ETFDH: variants seen among roughly 807,000 people sequenced by gnomAD.
ETFDH encodes the protein electron transfer flavoprotein-ubiquinone oxidoreductase, mitochondrial.
Under a neutral mutation model 73.2 loss-of-function variants are expected in ETFDH, and 61 were observed. The observed-to-expected ratio is 0.83, with a 90% CI of 0.68 to 1.03. The LOEUF (loss-of-function observed/expected upper bound fraction) is 1.03. Ranked by LOEUF, ETFDH falls within the 50% of genes least tolerant of loss-of-function variation. The pLI, the probability that ETFDH is intolerant of heterozygous loss-of-function variation, is 0.00. For missense variants in ETFDH, 685 were observed against 745.0 expected (o/e 0.92, Z 0.94); for synonymous variants, 243 against 253.3 (o/e 0.96, Z 0.39).
intron 9 of ETFDH, among the ~76,000 whole-genome samples, chr4:158,701,457 A>C (rs1774460166): frequency 1.3e-5 from 2 of 152,210 alleles, no homozygotes; most frequent in South Asian, 4.1e-4. Context: ...TGAGAACCAC[A>C]GTCATAAATT....
Position 158,709,019 on chromosome 4 carries a change from T to TTGTGTG in ETFDH, c.*526_*531dup, listed in dbSNP as rs55861035. 9,093 of 150,486 alleles carry TTGTGTG rather than the reference T, an allele frequency of 0.06. 415 individuals carry two copies. The highest frequency in any genetic ancestry group is 0.11 in the Middle Eastern group (31 of 286). 9.3% of individuals were successfully genotyped at this position (150,486 alleles called of 1,614,324 possible). On this transcript the variant is annotated 3_prime_UTR_variant, in exon 13 of 13. Coordinates refer to ENST00000511912, the MANE Select transcript of ETFDH (RefSeq NM_004453.4). ...GAAGTATGCCCATCCCTGAACAAGT[T>TTGTGTG]TGTGTGTGTGTGTGTGTGTGTGTGT... is the stretch of plus-strand genomic sequence containing the variant.
At chr4:158,680,961 G>A in intron 2 of ETFDH, among the ~76,000 whole-genome samples, 1 of 152,148 alleles carries the variant, frequency 6.6e-6, no homozygotes, top group Non-Finnish European at 1.5e-5. Context: ...ATTATGTACA[G>A]TACATGATAC....
rs1247869602 is a variant in ETFDH at position 158,706,314 on chromosome 4, A to G, written c.1411A>G (p.Thr471Ala). 1 of 1,613,618 alleles carries G rather than the reference A, an allele frequency of 6.2e-7. No homozygotes were observed. The change falls in exon 11 of 13, where the codon ACT becomes GCT. Residue 471 changes from threonine to alanine, a missense_variant. This residue lies in a region of ETFDH where 201 missense variants were observed against 225.2 expected (regional missense o/e 0.89). Coordinates refer to ENST00000511912, the MANE Select transcript of ETFDH (RefSeq NM_004453.4). ...VLGVYGGMIY[T>A]GIFYWILRGM... Reference sequence around the variant, plus strand: ...GGGTGTATATGGAGGGATGATTTACACTGGAATCTTTTACTGGATATTGAG... The same window carrying G: ...GGGTGTATATGGAGGGATGATTTACGCTGGAATCTTTTACTGGATATTGAG...
rs568478183 is a variant in ETFDH, at chr4:158,682,007, G to A, written c.176-188G>A. On this transcript the variant is annotated intron_variant, in intron 2 of 12. Coordinates refer to ENST00000511912, the MANE Select transcript of ETFDH (RefSeq NM_004453.4). ...GTTTATGGAAACTGAAATAAAGTAT[G>A]TACTGGAACAGAACCTAAGAATATA... 96 of 694,142 alleles carry A rather than the reference G, an allele frequency of 1.4e-4. No individual in the cohort carries two copies. The African/African-American group carries it at 1.6e-3, about 12-fold the overall frequency. The allele number at this position is 694,142 out of a possible 1,614,324, so 43.0% of individuals were successfully genotyped here. A position where few individuals can be genotyped will look rare whatever the true frequency, so the allele number is the denominator to read the frequency against.
rs940742984 is a variant in ETFDH, at chr4:158,703,419, T to C, written c.1117-4T>C. On this transcript the variant is annotated splice_region_variant and splice_polypyrimidine_tract_variant and intron_variant, in intron 9 of 12. Transcript: ENST00000511912. ...AAATGTATTCTGAATCTTTGTTTCC[T>C]CAGTCTATACCAAAACTCACCTTTC... 8.1e-6 allele frequency: 13 copies of C among 1,601,850 alleles called. No homozygotes were observed. Among genetic ancestry groups the C allele is most frequent in the Non-Finnish European group, 1.0e-5 (12 of 1,169,066 alleles).
At chr4:158,703,738 C>T in intron 10 of ETFDH, 147 bp downstream of exon 10, 1 of 628,646 alleles carries the variant, frequency 1.6e-6, no homozygotes, top group Non-Finnish European at 2.8e-6. Context: ...GGCTTATTCT[C>T]AATAATTACA....
chr4:158,700,992 C>T (rs1169602247), intron 9 of ETFDH: 1 of 152,266 alleles, frequency 6.6e-6, no homozygotes, highest in East Asian at 1.9e-4. Context: ...TACTGTCTAA[C>T]TTTTTTCTCC....
chr4:158,690,545 G>T, intron 6 of ETFDH, 120 bp downstream of exon 6: 1 of 748,804 alleles, frequency 1.3e-6, no homozygotes, highest in Non-Finnish European at 2.5e-6. Context: ...TGGGCTTCGT[G>T]GTATACACCT....
chr4:158,694,493 C>T (rs938404442), intron 6 of ETFDH, among the ~76,000 whole-genome samples: 2 of 151,420 alleles, frequency 1.3e-5, no homozygotes, highest in African/African-American at 4.9e-5. Flanking sequence ...ACTCAGGAGG[C>T]TGAGGCAGGA....
At chr4:158,689,055 C>A (rs777117747) in intron 5 of ETFDH, among the ~76,000 whole-genome samples, 2 of 152,004 alleles carry the variant, frequency 1.3e-5, no homozygotes, top group Non-Finnish European at 2.9e-5. Context: ...AAAAGACATT[C>A]CTGGAATGCA....
At chr4:158,690,275 G>A (rs1774128337) in intron 5 of ETFDH, 73 bp from the exon 6 acceptor site, 2 of 837,218 alleles carry the variant, frequency 2.4e-6, no homozygotes, top group African/African-American at 1.7e-5. Context: ...AGAAACCTAA[G>A]GCTGTTTACT....
intron 10 of ETFDH, among the ~76,000 whole-genome samples, chr4:158,704,244 C>T (rs78339975): frequency 0.028 from 4,277 of 152,290 alleles, 96 homozygotes; most frequent in Non-Finnish European, 0.04. Flanking sequence ...AGAACAAACA[C>T]CTTTACAAAA....
At chr4:158,686,811 G>T (rs1050331188) in intron 5 of ETFDH, among the ~76,000 whole-genome samples, 4 of 152,072 alleles carry the variant, frequency 2.6e-5, no homozygotes, top group Non-Finnish European at 5.9e-5. Flanking sequence ...CTCAGCATAG[G>T]GGCTGAGTGC....
rs545472090 is a variant in ETFDH, at chr4:158,672,599, A to G, written c.34+109A>G. The G allele has an allele frequency of 2.5e-3, 2,869 of 1,131,828 alleles. 8 individuals carry two copies. The highest frequency in any genetic ancestry group is 3.3e-3 in the Non-Finnish European group (2,471 of 748,096). 70.1% of individuals were successfully genotyped at this position (1,131,828 alleles called of 1,614,324 possible). A position where few individuals can be genotyped will look rare whatever the true frequency, so the allele number is the denominator to read the frequency against. ...CGCCCCTTCTCTCATCAGCTTTCTC[A>G]GGCTATCTAGGGCAAAGGTCACGCG... On this transcript the variant is annotated intron_variant, in intron 1 of 12. Transcript: ENST00000511912.
intron 6 of ETFDH, among the ~76,000 whole-genome samples, chr4:158,691,691 C>T (rs1213073452): frequency 6.6e-6 from 1 of 152,172 alleles, no homozygotes; most frequent in Non-Finnish European, 1.5e-5. Flanking sequence ...AACTGATTCT[C>T]CACCTCCCAT....
chr4:158,672,559 G>A, intron 1 of ETFDH, 69 bp downstream of exon 1: 1 of 1,467,120 alleles, frequency 6.8e-7, no homozygotes, highest in African/African-American at 1.4e-5. Context: ...GGTCCTGGGG[G>A]CTGTAGGCAC....
intron 9 of ETFDH, among the ~76,000 whole-genome samples, chr4:158,702,552 A>G (rs1774492217): frequency 6.6e-6 from 1 of 152,010 alleles, no homozygotes; most frequent in African/African-American, 2.4e-5. Flanking sequence ...GTTTCCATAT[A>G]TGAGTGAGAA....
intron 10 of ETFDH, among the ~76,000 whole-genome samples, chr4:158,704,913 G>A (rs1278452720): frequency 6.6e-6 from 1 of 151,868 alleles, no homozygotes; most frequent in East Asian, 1.9e-4. Context: ...CAGTGGCTGG[G>A]TAGAAGTTTT....
chr4:158,672,399 C>A lies in ETFDH; in HGVS notation c.-58C>A, dbSNP rs1253423923. The A allele has an allele frequency of 5.0e-6, 8 of 1,593,636 alleles. No individual in the cohort carries two copies. The highest frequency in any genetic ancestry group is 6.9e-6 in the Non-Finnish European group (8 of 1,161,714). ...CGCGGCCTAGAGGTCCAGCGCCCGC[C>A]GCGAGCAGCGGACAGTCCTCCTGTT... On this transcript the variant is annotated 5_prime_UTR_variant, in exon 1 of 13. Transcript: ENST00000511912.
Sources: gnomAD v4.1 joint callset for allele counts (sites outside exome capture counted in the v4.1 genomes callset) on GRCh38, gnomAD v4.1.1 for gene constraint, gnomAD v4.1.1 regional missense constraint, MANE v1.5 for transcripts, NCBI Gene and HGNC (gene_info 2026-07-23, HGNC 2026-07-21) for gene names.